HDAC9: variants seen among roughly 807,000 people sequenced by gnomAD.
HDAC9 encodes histone deacetylase 9, also known as MEF-2 interacting transcription repressor (MITR) protein.
In HDAC9, 41 loss-of-function variants were observed where a neutral mutation model predicts 139.4. That is an observed-to-expected ratio of 0.29 (90% confidence interval 0.23 to 0.38). The LOEUF (loss-of-function observed/expected upper bound fraction) is 0.38, where lower values mean the gene tolerates loss of function less well. Among genes scored for constraint, HDAC9 ranks in the 10% least tolerant of loss-of-function variants. The pLI is 1.00. For synonymous variants in HDAC9, 517 were observed against 476.2 expected, an observed-to-expected ratio of 1.09 and a Z score of -1.12; for missense variants, 1,147 against 1,297.0, an observed-to-expected ratio of 0.88 and a Z score of 1.78.
chr7:18,665,085 G>A (rs1444429142), intron 11 of HDAC9, among the ~76,000 whole-genome samples: 1 of 152,158 alleles, frequency 6.6e-6, no homozygotes, highest in Admixed American at 6.6e-5. Context: ...ATCTAAGTCT[G>A]AGTACTTAAG....
chr7:18,994,539 T>TC (rs1786298542), intron 25 of HDAC9, among the ~76,000 whole-genome samples: 1 of 152,166 alleles, frequency 6.6e-6, no homozygotes, highest in Non-Finnish European at 1.5e-5. Context: ...TTTTAAATAT[T>TC]CCACACAGAC....
intron 11 of HDAC9, among the ~76,000 whole-genome samples, chr7:18,652,696 A>G (rs1182337298): frequency 1.3e-5 from 2 of 152,160 alleles, no homozygotes; most frequent in Non-Finnish European, 2.9e-5. Context: ...TATTTTAACT[A>G]GAATATTAAT....
chr7:18,664,588 C>T (rs1794243900), intron 11 of HDAC9, among the ~76,000 whole-genome samples: 1 of 152,122 alleles, frequency 6.6e-6, no homozygotes, highest in Non-Finnish European at 1.5e-5. Flanking sequence ...TCCCCACAGA[C>T]TCTGCCTTCT....
At chr7:18,477,394 CGTGCGTGCGTGCATGCGTGTGTGT>C (rs1229561690) in intron 1 of HDAC9, among the ~76,000 whole-genome samples, 1 of 151,736 alleles carries the variant, frequency 6.6e-6, no homozygotes, top group Non-Finnish European at 1.5e-5. Flanking sequence ...GTTATGTGTG[CGTGCGTGCGTGCATGCGTGTGTGT>C]GTGTGTGAAA....
chr7:18,974,413 TTAAC>T (rs1436852282), intron 24 of HDAC9, among the ~76,000 whole-genome samples: 1 of 152,230 alleles, frequency 6.6e-6, no homozygotes, highest in African/African-American at 2.4e-5. Context: ...ATTGTAATTC[TTAAC>T]TAACAGGGCT....
chr7:18,251,313 A>G lies in HDAC9; in HGVS notation c.25+88964A>G, dbSNP rs559963727. Among the ~76,000 whole-genome samples, 19 of 152,266 alleles carry G rather than the reference A, an allele frequency of 1.2e-4. No individual in the cohort carries two copies. The South Asian group carries it at 2.3e-3, about 18-fold the overall frequency. On this transcript the variant is annotated intron_variant, in intron 2 of 12. Transcript: ENST00000417496. ...TAAGTGAGAGCTGAATGATGAGAAC[A>G]CATGGACACACTGGGAGGAAACAGC... is the stretch of plus-strand genomic sequence containing the variant.
chr7:18,257,380 C>G (rs1224962523), intron 2 of HDAC9, among the ~76,000 whole-genome samples: 1 of 144,354 alleles, frequency 6.9e-6, no homozygotes, highest in Non-Finnish European at 1.5e-5. Flanking sequence ...CTCTCTCTCT[C>G]TCTCTCTCTC....
At chr7:18,405,804 A>T (rs1317678864) in intron 1 of HDAC9, among the ~76,000 whole-genome samples, 1 of 152,118 alleles carries the variant, frequency 6.6e-6, no homozygotes, top group Non-Finnish European at 1.5e-5. Context: ...TTGAACTAAA[A>T]TACCGCTTTA....
At chr7:18,502,092 G>A (rs532658717) in intron 2 of HDAC9, among the ~76,000 whole-genome samples, 6 of 152,262 alleles carry the variant, frequency 3.9e-5, no homozygotes, top group African/African-American at 1.4e-4. Flanking sequence ...ACTTGTAGCA[G>A]TTCCAAGCAT....
At chr7:18,579,657 A>T (rs1374831394) in intron 2 of HDAC9, among the ~76,000 whole-genome samples, 2 of 152,232 alleles carry the variant, frequency 1.3e-5, no homozygotes, top group Non-Finnish European at 2.9e-5. Flanking sequence ...GATATAACCA[A>T]GTTGTGGCCT....
chr7:18,627,733 C>A (rs1011456388), intron 6 of HDAC9, among the ~76,000 whole-genome samples: 1 of 152,052 alleles, frequency 6.6e-6, no homozygotes, highest in Non-Finnish European at 1.5e-5. Context: ...ATCTCTATCA[C>A]TTTGAGCTTG....
intron 1 of HDAC9, among the ~76,000 whole-genome samples, chr7:18,292,387 C>T (rs907869412): frequency 2.0e-5 from 3 of 152,016 alleles, no homozygotes; most frequent in African/African-American, 7.2e-5. Context: ...GAAATGCATC[C>T]GTGGTTTTGC....
intron 1 of HDAC9, among the ~76,000 whole-genome samples, chr7:18,355,559 A>G (rs538849648): frequency 2.0e-5 from 3 of 152,314 alleles, no homozygotes; most frequent in African/African-American, 7.2e-5. Context: ...GCTTATTTTG[A>G]AATGGACTGT....
chr7:18,162,246 C>T, exon 2 of HDAC9: 1 of 1,309,188 alleles, frequency 7.6e-7, no homozygotes, highest in Non-Finnish European at 1.1e-6. Context: ...CTCTGCCAAC[C>T]CCTCCTGGAC....
chr7:18,381,285 A>G (rs924734584), intron 1 of HDAC9, among the ~76,000 whole-genome samples: 2 of 152,018 alleles, frequency 1.3e-5, no homozygotes, highest in African/African-American at 4.8e-5. Context: ...TAGAAACACA[A>G]TTTTATTCTG....
At chr7:18,431,753 A>G (rs112561881) in intron 1 of HDAC9, among the ~76,000 whole-genome samples, 321 of 152,326 alleles carry the variant, frequency 2.1e-3, no homozygotes, top group African/African-American at 7.2e-3. Flanking sequence ...AATACGTAAA[A>G]TACGATTGTG....
intron 16 of HDAC9, among the ~76,000 whole-genome samples, chr7:18,781,557 CT>C (rs1769489151): frequency 6.6e-6 from 1 of 152,030 alleles, no homozygotes; most frequent in Admixed American, 6.6e-5. Context: ...TTACTTTTTG[CT>C]TTCTTTGGGC....
At chr7:18,535,553 T>C (rs989237187) in intron 2 of HDAC9, among the ~76,000 whole-genome samples, 1 of 151,704 alleles carries the variant, frequency 6.6e-6, no homozygotes, top group African/African-American at 2.4e-5. Flanking sequence ...TATATCTACA[T>C]ACATTCATTT....
chr7:18,914,247 C>A (rs1204362163), intron 22 of HDAC9, among the ~76,000 whole-genome samples: 1 of 151,530 alleles, frequency 6.6e-6, no homozygotes, highest in Non-Finnish European at 1.5e-5. Flanking sequence ...TTCCCACCCT[C>A]CAGAAATATG....
Sources: gnomAD v4.1 joint callset for allele counts (sites outside exome capture counted in the v4.1 genomes callset) on GRCh38, gnomAD v4.1.1 for gene constraint, MANE v1.5 for transcripts, NCBI Gene and HGNC (gene_info 2026-07-23, HGNC 2026-07-21) for gene names.